The following TG variants were observed in gnomAD, a reference collection of about 807,000 sequenced individuals.
The protein encoded by TG is thyroid hormones.
In TG, 270 loss-of-function variants were observed where a neutral mutation model predicts 324.7. The observed-to-expected ratio is 0.83, with a 90% CI of 0.75 to 0.92. TG has a LOEUF of 0.92. TG is among the 40% of genes least tolerant of loss of function. The pLI is 0.00. For missense variants in TG, 3,591 were observed against 3,456.4 expected, an observed-to-expected ratio of 1.04 and a Z score of -0.98; for synonymous variants, 1,401 against 1,327.0, an observed-to-expected ratio of 1.06 and a Z score of -1.21.
intron 41 of TG, chr8:133,047,603 T>G (rs113231598): frequency 1.8e-6 from 1 of 562,224 alleles, no homozygotes; most frequent in South Asian, 2.0e-5. Context: ...GGCCTGATGT[T>G]GGCCAGGCCC....
At chr8:132,987,643 C>T (rs1831729843) in intron 35 of TG, among the ~76,000 whole-genome samples, 2 of 151,952 alleles carry the variant, frequency 1.3e-5, no homozygotes, top group African/African-American at 4.8e-5. Flanking sequence ...AACAGGTTAG[C>T]AAAGATGAGC....
At chr8:133,107,557 G>A (rs991212498) in intron 43 of TG, among the ~76,000 whole-genome samples, 1 of 152,214 alleles carries the variant, frequency 6.6e-6, no homozygotes, top group African/African-American at 2.4e-5. Flanking sequence ...TGGCATCTGT[G>A]CTCGGGGCCT....
intron 41 of TG, 86 bp downstream of exon 41, chr8:133,030,109 T>C: frequency 6.5e-7 from 1 of 1,539,120 alleles, no homozygotes; most frequent in Non-Finnish European, 9.0e-7. Context: ...TCTAGTTGGC[T>C]TCAATTGCTT....
intron 32 of TG, among the ~76,000 whole-genome samples, chr8:132,970,958 C>CG (rs1829424639): frequency 6.6e-6 from 1 of 152,062 alleles, no homozygotes; most frequent in Non-Finnish European, 1.5e-5. Context: ...AAAGCATCAC[C>CG]GCTGGGATGT....
At chr8:133,134,649 C>A (rs751193315) in intron 47 of TG, 27 bp from the exon 48 acceptor site, 1 of 1,605,440 alleles carries the variant, frequency 6.2e-7, no homozygotes, top group South Asian at 1.1e-5. Context: ...CTGGCTTGGA[C>A]CAACCTTCCT....
At chr8:133,003,391 A>G (rs963603830) in intron 35 of TG, 1 of 151,860 alleles carries the variant, frequency 6.6e-6, no homozygotes, top group African/African-American at 2.4e-5. Flanking sequence ...AAATGAACAC[A>G]GCCATCCCTC....
chr8:133,074,989 G>A (rs1247173136), intron 41 of TG: 10 of 985,392 alleles, frequency 1.0e-5, no homozygotes, highest in Non-Finnish European at 1.1e-5. Flanking sequence ...TTGTGGAGAA[G>A]CAGCCCATGC....
chr8:132,923,401 C>T lies in TG; in HGVS notation c.4592C>T (p.Ala1531Val), dbSNP rs763563370. The T allele has an allele frequency of 6.2e-7, 1 of 1,614,072 alleles. No individual in the cohort carries two copies. The highest frequency in any genetic ancestry group is 2.2e-5 in the East Asian group (1 of 44,866). ...LQCDQNGQYR[A>V]SQKDRGSGKA... ...TGTGACCAGAATGGCCAGTATCGAGCCAGCCAGAAGGACAGGGGCAGTGGG... is the reference window on the plus strand; with the variant it reads ...TGTGACCAGAATGGCCAGTATCGAGTCAGCCAGAAGGACAGGGGCAGTGGG... Residue 1531 changes from alanine (A) to valine (V), a missense_variant, in exon 22 of 48, where the codon GCC (alanine) becomes GTC (valine). Transcript: ENST00000220616.
At position 132,898,862 on chromosome 8, in the gene TG, C is replaced by T. The variant is rs1233516348; in HGVS notation, c.3282C>T (p.Ser1094=). The change falls in exon 14 of 48, where the codon TCC becomes TCT. Residue 1094 remains serine, a synonymous_variant. Coordinates refer to ENST00000220616, the MANE Select transcript of TG (RefSeq NM_003235.5). ...GLLSSWKQAR[S]QENPSPKDLF... ...TTTCCAGTTGGAAACAGGCTAGATC[C>T]CAAGAAAACCCATCTCCAAAAGACC... 6.2e-7 allele frequency: 1 copy of T among 1,614,056 alleles called. No homozygotes were observed. The highest frequency in any genetic ancestry group is 1.3e-5 in the African/African-American group (1 of 74,916).
intron 16 of TG, among the ~76,000 whole-genome samples, chr8:132,902,739 G>A (rs1563932615): frequency 2.0e-5 from 3 of 152,196 alleles, no homozygotes; most frequent in Admixed American, 6.5e-5. Context: ...TCATCTAGGA[G>A]TGGTCTGCAC....
At chr8:133,004,134 C>T (rs1833813652) in intron 35 of TG, among the ~76,000 whole-genome samples, 1 of 152,102 alleles carries the variant, frequency 6.6e-6, no homozygotes, top group Non-Finnish European at 1.5e-5. Flanking sequence ...CACTGTTGCC[C>T]CTCTGCCCAT....
intron 41 of TG, among the ~76,000 whole-genome samples, chr8:133,068,787 G>A (rs1469081709): frequency 1.3e-5 from 2 of 152,240 alleles, no homozygotes; most frequent in Non-Finnish European, 2.9e-5. Flanking sequence ...AATAAAAAGA[G>A]CCCATTTCTT....
chr8:133,096,194 C>A lies in TG; in HGVS notation c.7405-12C>A, dbSNP rs1848383780. The A allele has an allele frequency of 6.2e-7, 1 of 1,614,064 alleles. No individual in the cohort carries two copies. The highest frequency in any genetic ancestry group is 8.5e-7 in the Non-Finnish European group (1 of 1,179,998). On this transcript the variant is annotated splice_polypyrimidine_tract_variant and intron_variant, in intron 42 of 47. Coordinates refer to ENST00000220616, the MANE Select transcript of TG (RefSeq NM_003235.5). The stretch of plus-strand genomic sequence containing the variant: ...ATTCCAGGACAACTGATTATTGTTG[C>A]ATCCAATGCAGCTCCTGGCCGTGAG...
chr8:132,868,431 A>G (rs1023523882), intron 2 of TG, among the ~76,000 whole-genome samples: 2 of 151,674 alleles, frequency 1.3e-5, no homozygotes, highest in Non-Finnish European at 3.0e-5. Flanking sequence ...ACACTGGACA[A>G]TCTGACCAAG....
chr8:133,123,715 G>A (rs1003567365), intron 45 of TG, among the ~76,000 whole-genome samples: 22 of 140,514 alleles, frequency 1.6e-4, no homozygotes, highest in African/African-American at 1.4e-4. Context: ...CCAGGTTTGG[G>A]GACCGCACCC....
chr8:132,887,551 A>C lies in TG; in HGVS notation c.2176+3A>C. 1 of 1,614,182 alleles carries C rather than the reference A, an allele frequency of 6.2e-7. No homozygotes were observed. The highest frequency in any genetic ancestry group is 8.5e-7 in the Non-Finnish European group (1 of 1,180,044). On this transcript the variant is annotated splice_donor_region_variant and intron_variant, in intron 9 of 47. Coordinates refer to ENST00000220616, the MANE Select transcript of TG (RefSeq NM_003235.5). ...TGCAATAGGGAAGCCCAAGAAATGT[A>C]AGTCTGTTGGGTATTCAATCTGTAG...
chr8:133,106,146 C>T (rs1044796178), intron 43 of TG, among the ~76,000 whole-genome samples: 5 of 152,060 alleles, frequency 3.3e-5, no homozygotes, highest in South Asian at 4.2e-4. Flanking sequence ...GTTTGCCCAG[C>T]GAGGGGCTCC....
chr8:133,053,529 A>G (rs1036405233), intron 41 of TG, among the ~76,000 whole-genome samples: 5 of 152,126 alleles, frequency 3.3e-5, no homozygotes, highest in Non-Finnish European at 7.4e-5. Context: ...CCATTGTGGA[A>G]CCAGCCCCTT....
At chr8:132,916,895 G>T (rs1820362280) in intron 20 of TG, among the ~76,000 whole-genome samples, 1 of 128,090 alleles carries the variant, frequency 7.8e-6, no homozygotes, top group East Asian at 2.1e-4. Flanking sequence ...TAATAGAGCT[G>T]GTTCCCTATG....
Sources: gnomAD v4.1 joint callset for allele counts (sites outside exome capture counted in the v4.1 genomes callset) on GRCh38, gnomAD v4.1.1 for gene constraint, MANE v1.5 for transcripts, NCBI Gene and HGNC (gene_info 2026-07-23, HGNC 2026-07-21) for gene names.